CELF4: variants seen among roughly 807,000 people sequenced by gnomAD.
CELF4 encodes CUGBP Elav-like family member 4.
A neutral mutation model predicts 59.9 loss-of-function variants in CELF4; 18 were observed. The observed-to-expected ratio is 0.30, with a 90% confidence interval of 0.21 to 0.45. CELF4 has a LOEUF of 0.45. CELF4 is among the 20% of genes least tolerant of loss of function. The pLI is 1.00. For missense variants in CELF4, 456 were observed against 689.0 expected (o/e 0.66, Z 3.79); for synonymous variants, 261 against 267.1 (o/e 0.98, Z 0.22).
At chr18:37,353,271 G>A (rs1229568118) in intron 2 of CELF4, among the ~76,000 whole-genome samples, 1 of 148,174 alleles carries the variant, frequency 6.7e-6, no homozygotes, top group African/African-American at 2.5e-5. Flanking sequence ...CCTTTCTTGG[G>A]GGGCTTAGGG....
intron 2 of CELF4, among the ~76,000 whole-genome samples, chr18:37,443,997 T>C (rs2099740710): frequency 6.6e-6 from 1 of 152,174 alleles, no homozygotes; most frequent in African/African-American, 2.4e-5. Flanking sequence ...CTATAATCCT[T>C]GGCCTTGAAT....
rs770027371 is a variant in CELF4 at position 37,295,617 on chromosome 18, AT to A, written c.449-20375del. ...AGTCATCAGAAATAATATTATTGTT[AT>A]TGCTACTTTACAGAGGAGGAAATGG... is the stretch of plus-strand genomic sequence containing the variant. On this transcript the variant is annotated intron_variant, in intron 3 of 12. Coordinates refer to ENST00000420428, the MANE Select transcript of CELF4 (RefSeq NM_020180.4). Among the ~76,000 whole-genome samples the A allele has an allele frequency of 1.5e-4, 23 of 152,316 alleles. No homozygotes were observed. The East Asian group carries it at 3.7e-3, about 24-fold the overall frequency.
At chr18:37,249,671 G>A (rs566241644) in intron 12 of CELF4, among the ~76,000 whole-genome samples, 2 of 152,216 alleles carry the variant, frequency 1.3e-5, no homozygotes, top group South Asian at 4.1e-4. Context: ...TGCCTGCAGG[G>A]TGACCCCTTC....
chr18:37,552,101 C>T (rs531454152), intron 1 of CELF4, among the ~76,000 whole-genome samples: 3 of 152,380 alleles, frequency 2.0e-5, no homozygotes, highest in African/African-American at 7.2e-5. Context: ...GCCAGTGCCC[C>T]TACCTGACTA....
intron 2 of CELF4, among the ~76,000 whole-genome samples, chr18:37,407,266 C>T (rs1231640704): frequency 6.6e-6 from 1 of 152,118 alleles, no homozygotes; most frequent in Non-Finnish European, 1.5e-5. Flanking sequence ...AACATCACTC[C>T]AGGGAGAGGG....
chr18:37,462,105 C>G (rs1490987117), intron 2 of CELF4, among the ~76,000 whole-genome samples: 3 of 152,154 alleles, frequency 2.0e-5, no homozygotes, highest in African/African-American at 7.2e-5. Context: ...AAGCTTCACC[C>G]CACCGTGAGC....
chr18:37,532,363 AG>A (rs2099970235), intron 1 of CELF4, among the ~76,000 whole-genome samples: 1 of 152,070 alleles, frequency 6.6e-6, no homozygotes, highest in Non-Finnish European at 1.5e-5. Context: ...AGGCATTTGG[AG>A]GGCAGGGACT....
At chr18:37,558,285 G>A (rs989176988) in intron 1 of CELF4, among the ~76,000 whole-genome samples, 2 of 151,900 alleles carry the variant, frequency 1.3e-5, no homozygotes, top group Admixed American at 6.6e-5. Context: ...CCCACCTAGG[G>A]CTATGCGGAA....
At chr18:37,561,884 A>G (rs1320033379) in intron 1 of CELF4, among the ~76,000 whole-genome samples, 1 of 152,124 alleles carries the variant, frequency 6.6e-6, no homozygotes, top group African/African-American at 2.4e-5. Context: ...GCCTGGAAAA[A>G]CAATCTTTCC....
chr18:37,259,020 G>A, intron 11 of CELF4, 161 bp downstream of exon 11: 3 of 1,038,470 alleles, frequency 2.9e-6, no homozygotes, highest in Non-Finnish European at 4.2e-6. Flanking sequence ...TGGGGCGGGG[G>A]CAATGTGAAG....
chr18:37,352,893 T>C (rs917331130), intron 2 of CELF4, among the ~76,000 whole-genome samples: 1 of 152,012 alleles, frequency 6.6e-6, no homozygotes, highest in African/African-American at 2.4e-5. Context: ...CGCCTTGCCA[T>C]TGGTGCCCGA....
At chr18:37,527,508 T>C (rs2099965259) in intron 1 of CELF4, among the ~76,000 whole-genome samples, 1 of 152,130 alleles carries the variant, frequency 6.6e-6, no homozygotes, top group Admixed American at 6.6e-5. Flanking sequence ...ACTGAACTGA[T>C]GTTTCCACAA....
chr18:37,536,462 C>A (rs2099973575), intron 1 of CELF4, among the ~76,000 whole-genome samples: 1 of 152,258 alleles, frequency 6.6e-6, no homozygotes, highest in African/African-American at 2.4e-5. Flanking sequence ...CAACAGCCAT[C>A]TTCTCAGCCC....
At chr18:37,455,046 G>A (rs2099774431) in intron 2 of CELF4, among the ~76,000 whole-genome samples, 1 of 152,168 alleles carries the variant, frequency 6.6e-6, no homozygotes. Context: ...TTGCTAAGTG[G>A]CACTTTAGGG....
intron 1 of CELF4, among the ~76,000 whole-genome samples, chr18:37,495,043 G>A (rs1277332834): frequency 6.6e-6 from 1 of 152,214 alleles, no homozygotes; most frequent in Admixed American, 6.5e-5. Flanking sequence ...CATCAAGGGT[G>A]GATTTCAAAT....
Position 37,442,506 on chromosome 18 carries a change from A to G in CELF4, c.369+43019T>C, listed in dbSNP as rs1431518569. Among the ~76,000 whole-genome samples the G allele has an allele frequency of 2.0e-5, 3 of 152,340 alleles. No individual in the cohort carries two copies. The East Asian group carries it at 5.8e-4, about 29-fold the overall frequency. On this transcript the variant is annotated intron_variant, in intron 2 of 12. Coordinates refer to ENST00000420428, the MANE Select transcript of CELF4 (RefSeq NM_020180.4). The stretch of plus-strand genomic sequence containing the variant: ...AGAAAGGGAGAAGGGATGGCTGTCA[A>G]TAGCTGAGGAAGGGAAGGTGGCTGG...
chr18:37,413,014 C>T (rs2099488007), intron 2 of CELF4, among the ~76,000 whole-genome samples: 1 of 152,092 alleles, frequency 6.6e-6, no homozygotes, highest in Admixed American at 6.5e-5. Flanking sequence ...CCTCCCCGCC[C>T]AGGCTGTGCA....
At chr18:37,330,867 C>A (rs903635697) in intron 2 of CELF4, among the ~76,000 whole-genome samples, 1 of 152,082 alleles carries the variant, frequency 6.6e-6, no homozygotes, top group Non-Finnish European at 1.5e-5. Flanking sequence ...CGCGTTGCAC[C>A]TTTGGATTAG....
At chr18:37,355,563 C>T (rs2098549424) in intron 2 of CELF4, among the ~76,000 whole-genome samples, 2 of 152,072 alleles carry the variant, frequency 1.3e-5, no homozygotes, top group Non-Finnish European at 2.9e-5. Flanking sequence ...ATCCCAGCTA[C>T]ACGGGAGGCT....
Sources: gnomAD v4.1 joint callset for allele counts (sites outside exome capture counted in the v4.1 genomes callset) on GRCh38, gnomAD v4.1.1 for gene constraint, MANE v1.5 for transcripts, NCBI Gene and HGNC (gene_info 2026-07-23, HGNC 2026-07-21) for gene names.